The following MGAM variants were observed in gnomAD, a reference collection of about 807,000 sequenced individuals.
MGAM encodes maltase-glucoamylase.
Under a neutral mutation model 358.8 loss-of-function variants are expected in MGAM, and 253 were observed. The ratio of observed to expected loss-of-function variants is 0.71; its 90% CI spans 0.64 to 0.78. The LOEUF is 0.78. MGAM is among the 30% of genes least tolerant of loss of function. The pLI, the probability that MGAM is intolerant of heterozygous loss-of-function variation, is 0.00. For missense variants in MGAM, 3,080 were observed against 3,432.6 expected (o/e 0.90, Z 2.57); for synonymous variants, 1,105 against 1,227.1 (o/e 0.90, Z 2.08).
upstream of MGAM, among the ~76,000 whole-genome samples, chr7:141,992,341 G>A (rs1210544599): frequency 1.3e-5 from 2 of 152,102 alleles, no homozygotes; most frequent in African/African-American, 2.4e-5. Context: ...TGCCCTGTTC[G>A]GATCTGGAAC....
chr7:142,023,634 G>A (rs146953481), intron 7 of MGAM, among the ~76,000 whole-genome samples: 44 of 152,084 alleles, frequency 2.9e-4, no homozygotes, highest in African/African-American at 8.9e-4. Context: ...AGCCGAGATC[G>A]CGCCACTGCA....
intron 68 of MGAM, 123 bp from the exon 69 acceptor site, chr7:142,102,507 C>T: frequency 1.1e-6 from 1 of 912,374 alleles, no homozygotes; most frequent in East Asian, 2.7e-5. Flanking sequence ...GAAATAAAAA[C>T]AAAGATAAGC....
At chr7:142,092,431 T>G in intron 58 of MGAM, 90 bp from the exon 59 acceptor site, 1 of 1,267,160 alleles carries the variant, frequency 7.9e-7, no homozygotes, top group Non-Finnish European at 1.1e-6. Flanking sequence ...TACTGGATGT[T>G]GAACAATGTA....
chr7:142,059,368 C>A, intron 31 of MGAM, 104 bp from the exon 32 acceptor site: 6 of 1,505,062 alleles, frequency 4.0e-6, no homozygotes, highest in South Asian at 1.3e-5. Flanking sequence ...AATGCATCAA[C>A]AAGAAGCTGT....
chr7:142,059,707 C>T (rs937638148), intron 32 of MGAM, 107 bp downstream of exon 32: 22 of 1,578,952 alleles, frequency 1.4e-5, no homozygotes, highest in South Asian at 9.3e-5. Context: ...AATTGAAGTG[C>T]AGTAAGAAAG....
At chr7:142,034,932 G>C (rs1554465324) in intron 16 of MGAM, 91 bp downstream of exon 16, 9 of 1,252,936 alleles carry the variant, frequency 7.2e-6, no homozygotes, top group Admixed American at 2.3e-5. Flanking sequence ...CCCCTCTCCT[G>C]CCTGCCATGG....
At chr7:142,033,688 T>A (rs1554464726) in intron 14 of MGAM, among the ~76,000 whole-genome samples, 2 of 152,170 alleles carry the variant, frequency 1.3e-5, no homozygotes. Flanking sequence ...GGTAGTCAGA[T>A]GATTTTGGAA....
At chr7:142,062,250 A>T (rs1379339183) in intron 34 of MGAM, among the ~76,000 whole-genome samples, 4 of 152,174 alleles carry the variant, frequency 2.6e-5, no homozygotes, top group South Asian at 2.1e-4. Flanking sequence ...AGTGCATAGG[A>T]AATGGCAGGA....
intron 68 of MGAM, 88 bp downstream of exon 68, chr7:142,100,978 T>G: frequency 8.4e-7 from 1 of 1,194,190 alleles, no homozygotes; most frequent in Non-Finnish European, 1.2e-6. Context: ...TTTTCCCTAT[T>G]ATAACAATTT....
chr7:141,988,098 G>T (rs2128968518), intron 2 of MGAM, among the ~76,000 whole-genome samples: 1 of 152,080 alleles, frequency 6.6e-6, no homozygotes, highest in East Asian at 2.0e-4. Context: ...GACCAGCCTG[G>T]CCAACATGGT....
intron 65 of MGAM, among the ~76,000 whole-genome samples, chr7:142,097,346 A>AT (rs11298938): frequency 6.6e-6 from 1 of 151,296 alleles, no homozygotes; most frequent in African/African-American, 2.4e-5. Flanking sequence ...CAAATAGTGA[A>AT]TTTTTTTTTT....
chr7:142,085,537 G>T lies in MGAM; in HGVS notation c.6508-296G>T, dbSNP rs1276992045. The stretch of plus-strand genomic sequence containing the variant: ...GTCATCACAGTCACTCCTGATAGTG[G>T]CAGTTTACAAAGCACTGTCCATTCC... On this transcript the variant is annotated intron_variant, in intron 54 of 70. Coordinates refer to ENST00000475668, the MANE Select transcript of MGAM (RefSeq NM_001365693.1). Among the ~76,000 whole-genome samples the T allele has an allele frequency of 1.4e-5, 2 of 146,058 alleles. 1 individual carries two copies. The highest frequency in any genetic ancestry group is 3.1e-5 in the Non-Finnish European group (2 of 64,540).
In MGAM at chr7:142,044,568, A is replaced by ACG. The variant is rs1288396197; in HGVS notation, c.2499-3217_2499-3216insCG. Among the ~76,000 whole-genome samples the ACG allele has an allele frequency of 4.9e-3, 532 of 109,622 alleles. 1 individual carries two copies. The highest frequency in any genetic ancestry group is 0.016 in the African/African-American group (459 of 28,864). The allele number at this position is 109,622 out of a possible 152,430, so 71.9% of individuals were successfully genotyped here. ...TATAATGTATATTATATACACGTGT[A>ACG]ATATATGATATATAATGTATATTAT... On this transcript the variant is annotated intron_variant, in intron 21 of 70. Transcript: ENST00000475668.
At chr7:142,025,027 G>T in intron 7 of MGAM, 23 bp from the exon 8 acceptor site, 1 of 1,570,632 alleles carries the variant, frequency 6.4e-7, no homozygotes, top group South Asian at 1.1e-5. Context: ...TGTAAATTTT[G>T]GTTTTTAATT....
At chr7:142,030,230 A>G (rs1335128895) in intron 10 of MGAM, 132 bp from the exon 11 acceptor site, 2 of 964,518 alleles carry the variant, frequency 2.1e-6, no homozygotes, top group Non-Finnish European at 3.0e-6. Flanking sequence ...CTCAGATGCC[A>G]GGAACTGATT....
chr7:142,091,099 T>C lies in MGAM; in HGVS notation c.6811-814T>C, dbSNP rs1815340387. 1.4e-5 allele frequency among the ~76,000 whole-genome samples: 2 copies of C among 144,288 alleles called. 1 individual carries two copies. Among genetic ancestry groups the C allele is most frequent in the Non-Finnish European group, 3.1e-5 (2 of 63,854 alleles). 94.7% of individuals were successfully genotyped at this position (144,288 alleles called of 152,430 possible). ...ACGTCTCTACTAGAAATACAAAAAT[T>C]AGCCAGGTGTAGTGGTGTGTGCCTG... On this transcript the variant is annotated intron_variant, in intron 57 of 70. Transcript: ENST00000475668.
rs779230460 is a variant in MGAM at position 142,082,229 on chromosome 7, A to G, written c.6171+19A>G. On this transcript the variant is annotated intron_variant, in intron 51 of 70. Coordinates refer to ENST00000475668, the MANE Select transcript of MGAM (RefSeq NM_001365693.1). ...CCCAGGGGTAAGGACAGAGCATTTG[A>G]GATCTGTGTCTCTGCTTCTCTCCAC... The G allele has an allele frequency of 2.8e-5, 43 of 1,546,922 alleles. 6 individuals are homozygous for G. Among genetic ancestry groups the G allele is most frequent in the East Asian group, 6.8e-5 (3 of 43,836 alleles).
In MGAM at chr7:142,066,995, T is replaced by C. The variant is rs890763138; in HGVS notation, c.4919+274T>C. On this transcript the variant is annotated intron_variant, in intron 41 of 70. Coordinates refer to ENST00000475668, the MANE Select transcript of MGAM (RefSeq NM_001365693.1). ...AATTTGGTTGTGCAAAGGCCTATCTTATGTAGCAGTTTTGTTATATGGACC... is the reference window on the plus strand; with the variant it reads ...AATTTGGTTGTGCAAAGGCCTATCTCATGTAGCAGTTTTGTTATATGGACC... Among the ~76,000 whole-genome samples the C allele has an allele frequency of 2.7e-5, 4 of 146,398 alleles. 1 individual carries two copies. The highest frequency in any genetic ancestry group is 4.9e-5 in the African/African-American group (2 of 41,146).
intron 7 of MGAM, 101 bp from the exon 8 acceptor site, chr7:142,024,949 C>T: frequency 1.3e-6 from 1 of 743,940 alleles, no homozygotes; most frequent in Non-Finnish European, 2.3e-6. Flanking sequence ...AATGTCCTGT[C>T]AATTAGTTGC....
Sources: gnomAD v4.1 joint callset for allele counts (sites outside exome capture counted in the v4.1 genomes callset) on GRCh38, gnomAD v4.1.1 for gene constraint, MANE v1.5 for transcripts, NCBI Gene and HGNC (gene_info 2026-07-23, HGNC 2026-07-21) for gene names.